The following WWOX variants were observed in gnomAD, a reference collection of about 807,000 sequenced individuals.
The protein encoded by WWOX is WW domain containing oxidoreductase, also known as WW domain-containing oxidoreductase.
In WWOX, 69 loss-of-function variants were observed where a neutral mutation model predicts 46.2. The ratio of observed to expected loss-of-function variants is 1.49; its 90% CI spans 1.23 to 1.82. The LOEUF is 1.82. Among genes scored for constraint, WWOX ranks in the 40% most tolerant of loss-of-function variants. WWOX has a pLI of 0.00. For missense variants in WWOX, 919 were observed against 542.6 expected (o/e 1.69, Z -6.89); for synonymous variants, 359 against 202.6 (o/e 1.77, Z -6.56).
intron 8 of WWOX, among the ~76,000 whole-genome samples, chr16:78,953,625 G>C (rs746039006): frequency 9.2e-5 from 14 of 152,128 alleles, no homozygotes; most frequent in Non-Finnish European, 1.6e-4. Flanking sequence ...TCAGCCCAGT[G>C]GGTACCGTAC....
chr16:78,848,462 C>G (rs745317358), intron 8 of WWOX, among the ~76,000 whole-genome samples: 3 of 152,122 alleles, frequency 2.0e-5, no homozygotes, highest in Non-Finnish European at 2.9e-5. Context: ...TCAGCTCACA[C>G]CAAGGAAGAG....
At chr16:78,355,661 TATG>T in intron 5 of WWOX, 2 of 708,182 alleles carry the variant, frequency 2.8e-6, no homozygotes, top group Non-Finnish European at 4.9e-6. Context: ...ATTACATACT[TATG>T]ATCAACATTT....
At position 78,927,976 on chromosome 16, in the gene WWOX, T is replaced by TGTG. The variant is rs370476030; in HGVS notation, c.1057-283632_1057-283631insGTG. Among the ~76,000 whole-genome samples, 334 of 151,818 alleles carry TGTG rather than the reference T, an allele frequency of 2.2e-3. 2 individuals carry two copies. The highest frequency in any genetic ancestry group is 7.9e-3 in the African/African-American group (328 of 41,294). ...AACTGAATAAACAATCTCAGGGTTT[T>TGTG]TGTGTGTGTGTGTATGTGTGTGTGC... On this transcript the variant is annotated intron_variant, in intron 8 of 8. Coordinates refer to ENST00000566780, the MANE Select transcript of WWOX (RefSeq NM_016373.4).
chr16:78,743,830 C>T (rs992887859), intron 8 of WWOX, among the ~76,000 whole-genome samples: 23 of 152,126 alleles, frequency 1.5e-4, no homozygotes, highest in African/African-American at 5.3e-4. Context: ...TACTTCATTT[C>T]CATGAGGTGT....
At chr16:78,437,393 T>A (rs1266202832) in intron 8 of WWOX, among the ~76,000 whole-genome samples, 4 of 152,260 alleles carry the variant, frequency 2.6e-5, no homozygotes, top group Non-Finnish European at 5.9e-5. Flanking sequence ...GATCTGTCTT[T>A]TAAATGTTGC....
intron 5 of WWOX, among the ~76,000 whole-genome samples, chr16:78,360,934 C>T (rs922784383): frequency 5.3e-5 from 8 of 152,150 alleles, no homozygotes; most frequent in East Asian, 1.9e-4. Context: ...GATCCTCCCA[C>T]CTCAGTCTCC....
Position 78,360,804 on chromosome 16 carries a change from G to T in WWOX, c.517-26056G>T, listed in dbSNP as rs1415853260. On this transcript the variant is annotated intron_variant, in intron 5 of 8. Coordinates refer to ENST00000566780, the MANE Select transcript of WWOX (RefSeq NM_016373.4). ...GGATGCCACATTATATTTAATTGTTGTATCTCCTTGGTGCCTTTAGTGCTT... is the reference window on the plus strand; with the variant it reads ...GGATGCCACATTATATTTAATTGTTTTATCTCCTTGGTGCCTTTAGTGCTT... Among the ~76,000 whole-genome samples the T allele has an allele frequency of 2.1e-5, 3 of 142,034 alleles. No homozygotes were observed. In the East Asian group the frequency reaches 6.1e-4, roughly 29 times the overall value. The allele number at this position is 142,034 out of a possible 152,430, so 93.2% of individuals were successfully genotyped here.
At chr16:78,860,214 C>G (rs6564612) in intron 8 of WWOX, among the ~76,000 whole-genome samples, 80,481 of 152,040 alleles carry the variant, frequency 0.53, 21,901 homozygotes, top group Middle Eastern at 0.65. Flanking sequence ...TTATACTGTG[C>G]TATTATTTAT....
chr16:78,371,276 A>G (rs1001920667), intron 5 of WWOX, among the ~76,000 whole-genome samples: 7 of 152,210 alleles, frequency 4.6e-5, no homozygotes, highest in Non-Finnish European at 8.8e-5. Context: ...ACAGATGGAT[A>G]TAACTTTTTT....
At chr16:78,956,127 T>C (rs899857228) in intron 8 of WWOX, among the ~76,000 whole-genome samples, 1 of 151,732 alleles carries the variant, frequency 6.6e-6, no homozygotes, top group Non-Finnish European at 1.5e-5. Flanking sequence ...ACTAGATCCA[T>C]GTATTTGTTT....
chr16:78,701,919 T>C (rs2048225493), intron 8 of WWOX, among the ~76,000 whole-genome samples: 1 of 148,516 alleles, frequency 6.7e-6, no homozygotes, highest in South Asian at 2.1e-4. Flanking sequence ...GTGAAGTGAC[T>C]CATACCTGTA....
intron 8 of WWOX, among the ~76,000 whole-genome samples, chr16:78,922,877 A>G (rs2045410906): frequency 6.6e-6 from 1 of 152,238 alleles, no homozygotes; most frequent in Non-Finnish European, 1.5e-5. Context: ...AGGGCTTATT[A>G]ATCATACTAA....
At chr16:79,155,179 C>T (rs12933552) in intron 8 of WWOX, among the ~76,000 whole-genome samples, 1 of 152,070 alleles carries the variant, frequency 6.6e-6, no homozygotes, top group South Asian at 2.1e-4. Flanking sequence ...AGATGGAAAC[C>T]ATTCTGGCCA....
intron 8 of WWOX, among the ~76,000 whole-genome samples, chr16:78,543,792 T>G (rs1019134460): frequency 3.9e-5 from 6 of 152,152 alleles, no homozygotes; most frequent in Admixed American, 3.3e-4. Context: ...TGATGAGAAT[T>G]GAATGCCCCA....
chr16:78,374,599 A>G (rs1390555398), intron 5 of WWOX, among the ~76,000 whole-genome samples: 1 of 128,510 alleles, frequency 7.8e-6, no homozygotes, highest in Non-Finnish European at 1.5e-5. Flanking sequence ...CCCAGGCTGG[A>G]GTGCAGTGGC....
At chr16:78,729,667 G>T (rs1406000247) in intron 8 of WWOX, among the ~76,000 whole-genome samples, 1 of 152,110 alleles carries the variant, frequency 6.6e-6, no homozygotes, top group East Asian at 1.9e-4. Flanking sequence ...TCTGGCTTCC[G>T]GAACTGCAAA....
At chr16:78,383,539 A>G (rs2081999548) in intron 5 of WWOX, among the ~76,000 whole-genome samples, 2 of 152,282 alleles carry the variant, frequency 1.3e-5, no homozygotes, top group East Asian at 1.9e-4. Context: ...TCACCTCTCG[A>G]AAAGGGGTTC....
chr16:78,325,033 C>T (rs2080581695), intron 5 of WWOX, among the ~76,000 whole-genome samples: 1 of 152,216 alleles, frequency 6.6e-6, no homozygotes, highest in African/African-American at 2.4e-5. Context: ...AAACCCATTC[C>T]TCAGATTCCT....
chr16:78,505,474 G>T (rs1462462666), intron 8 of WWOX, among the ~76,000 whole-genome samples: 1 of 152,076 alleles, frequency 6.6e-6, no homozygotes, highest in African/African-American at 2.4e-5. Flanking sequence ...CTTTTTTAAC[G>T]CTTCGTACCT....
Sources: allele counts gnomAD v4.1 joint callset (sites outside exome capture counted in the v4.1 genomes callset), GRCh38; gene constraint gnomAD v4.1.1; transcripts MANE v1.5; gene names NCBI Gene and HGNC (gene_info 2026-07-23, HGNC 2026-07-21).